The following GPBP1 variants were observed in gnomAD, a reference collection of about 807,000 sequenced individuals.
GPBP1 encodes the protein vasculin.
GPBP1 carries 13 observed loss-of-function variants against 56.5 expected under a neutral mutation model. The observed-to-expected ratio is 0.23, with a 90% CI of 0.15 to 0.37. The LOEUF is 0.37. Among genes scored for constraint, GPBP1 ranks in the 10% least tolerant of loss-of-function variants. The pLI, the probability that GPBP1 is intolerant of heterozygous loss-of-function variation, is 1.00. For missense variants in GPBP1, 477 were observed against 572.3 expected (o/e 0.83, Z 1.70); for synonymous variants, 204 against 188.9 (o/e 1.08, Z -0.66).
chr5:57,219,953 G>A (rs1048497577), intron 3 of GPBP1, among the ~76,000 whole-genome samples: 13 of 151,668 alleles, frequency 8.6e-5, no homozygotes, highest in Non-Finnish European at 1.9e-4. Flanking sequence ...TCGGGAGGCT[G>A]AGCAGGAGAA....
rs1305150260 is a variant in GPBP1 at position 57,259,766 on chromosome 5, G to GAAGCTTTCCCAGGCATTTTTCTGCTA, written c.1161-1380_1161-1355dup. 1.8e-3 allele frequency among the ~76,000 whole-genome samples: 277 copies of GAAGCTTTCCCAGGCATTTTTCTGCTA among 152,202 alleles called. 2 individuals are homozygous for GAAGCTTTCCCAGGCATTTTTCTGCTA. The highest frequency in any genetic ancestry group is 6.5e-3 in the African/African-American group (269 of 41,464). On this transcript the variant is annotated intron_variant, in intron 10 of 11. Transcript: ENST00000506184. ...GTATTGTGGTTAAGGACTCTCTGGT[G>GAAGCTTTCCCAGGCATTTTTCTGCTA]AAGCTTTCCCAGGCATTTTTCTGCT...
chr5:57,226,623 G>A (rs1179670401), intron 3 of GPBP1, among the ~76,000 whole-genome samples: 2 of 138,954 alleles, frequency 1.4e-5, no homozygotes, highest in Non-Finnish European at 3.1e-5. Context: ...GCAGTGGCGC[G>A]ATCTCAGCTC....
At chr5:57,224,248 T>C (rs79936074) in intron 3 of GPBP1, among the ~76,000 whole-genome samples, 2 of 143,238 alleles carry the variant, frequency 1.4e-5, no homozygotes, top group South Asian at 4.3e-4. Flanking sequence ...CTGATCCTCT[T>C]TTTTTTTTTT....
chr5:57,251,400 A>G (rs1451283702), intron 10 of GPBP1, among the ~76,000 whole-genome samples: 2 of 152,182 alleles, frequency 1.3e-5, no homozygotes, highest in Non-Finnish European at 1.5e-5. Context: ...TATAAGTGGA[A>G]TAATATAGTA....
At chr5:57,218,220 TGGGATAGGGTCAGATCCCACA>T (rs995299688) in intron 3 of GPBP1, among the ~76,000 whole-genome samples, 2 of 152,142 alleles carry the variant, frequency 1.3e-5, no homozygotes, top group Admixed American at 6.5e-5. Flanking sequence ...ACTGTCTGCT[TGGGATAGGGTCAGATCCCACA>T]GGTTAAATGT....
At chr5:57,179,854 C>T (rs1445117440) in intron 2 of GPBP1, among the ~76,000 whole-genome samples, 1 of 152,176 alleles carries the variant, frequency 6.6e-6, no homozygotes, top group East Asian at 1.9e-4. Context: ...ACCTCTGCCT[C>T]CCAATATGCT....
chr5:57,208,126 C>T lies in GPBP1; in HGVS notation c.-57-5948C>T, dbSNP rs149143809. Among the ~76,000 whole-genome samples, 76 of 152,200 alleles carry T rather than the reference C, an allele frequency of 5.0e-4. 1 individual carries two copies. Among genetic ancestry groups the T allele is most frequent in the African/African-American group, 1.7e-3 (69 of 41,524 alleles). ...ATGGAGCCCTCGCGAGGGACCATGC[C>T]CTTCCCTTCCCAGCGCTTGCCTGCA... On this transcript the variant is annotated intron_variant, in intron 2 of 11. Transcript: ENST00000506184.
chr5:57,176,710 A>G (rs948825991), intron 2 of GPBP1, among the ~76,000 whole-genome samples: 1 of 152,214 alleles, frequency 6.6e-6, no homozygotes, highest in Non-Finnish European at 1.5e-5. Context: ...ATTCATTCAC[A>G]GTGGTAGAAA....
At chr5:57,184,530 A>G (rs1350807941) in intron 2 of GPBP1, among the ~76,000 whole-genome samples, 1 of 152,108 alleles carries the variant, frequency 6.6e-6, no homozygotes, top group Non-Finnish European at 1.5e-5. Context: ...TCTCTGGTGA[A>G]CTATCAGCAA....
At position 57,177,592 on chromosome 5, in the gene GPBP1, G is replaced by C. The variant is rs939647467; in HGVS notation, c.-58+1192G>C. On this transcript the variant is annotated intron_variant, in intron 2 of 11. Transcript: ENST00000506184. ...GGGTTCAAGCGATTCTCCTGCTTCA[G>C]CCTCCCAAGTAGCTGGGATTACAGG... Among the ~76,000 whole-genome samples, 53 of 147,870 alleles carry C rather than the reference G, an allele frequency of 3.6e-4. 1 individual carries two copies. The highest frequency in any genetic ancestry group is 3.5e-3 in the Admixed American group (52 of 14,676).
rs116705877 is a variant in GPBP1, at chr5:57,179,702, A to C, written c.-58+3302A>C. Among the ~76,000 whole-genome samples the C allele has an allele frequency of 3.8e-3, 576 of 152,016 alleles. 4 individuals carry two copies. Among genetic ancestry groups the C allele is most frequent in the African/African-American group, 0.013 (550 of 41,446 alleles). Reference sequence around the variant, plus strand: ...AACCTCTGCCTCCCCGGTTCAAGCGATTCTCCTGCCCCTTCAGCCTCTTGA... The same window carrying C: ...AACCTCTGCCTCCCCGGTTCAAGCGCTTCTCCTGCCCCTTCAGCCTCTTGA... On this transcript the variant is annotated intron_variant, in intron 2 of 11. Transcript: ENST00000506184.
At chr5:57,235,418 T>C (rs1756620805) in intron 5 of GPBP1, among the ~76,000 whole-genome samples, 1 of 152,104 alleles carries the variant, frequency 6.6e-6, no homozygotes, top group Non-Finnish European at 1.5e-5. Flanking sequence ...CTTTTCTTTT[T>C]TTTTTTTGTT....
chr5:57,188,450 C>T (rs1187959367), intron 2 of GPBP1, among the ~76,000 whole-genome samples: 1 of 152,072 alleles, frequency 6.6e-6, no homozygotes, highest in Admixed American at 6.6e-5. Context: ...ACGTTCAGTG[C>T]TACACTCAGG....
chr5:57,237,126 G>C, intron 6 of GPBP1: 2 of 1,548,946 alleles, frequency 1.3e-6, no homozygotes, highest in South Asian at 1.2e-5. Flanking sequence ...TACACGCCCA[G>C]ACACACACAT....
At chr5:57,246,078 T>G in intron 6 of GPBP1, 1 of 405,194 alleles carries the variant, frequency 2.5e-6, no homozygotes, top group Admixed American at 3.9e-5. Flanking sequence ...TCTGTATTAC[T>G]TGACATTGCC....
chr5:57,216,006 G>T (rs1275429674), intron 3 of GPBP1, among the ~76,000 whole-genome samples: 2 of 152,158 alleles, frequency 1.3e-5, no homozygotes, highest in Admixed American at 6.5e-5. Context: ...TACTCCACGC[G>T]CTAGGTGGAG....
chr5:57,216,740 A>G lies in GPBP1; in HGVS notation c.63+2547A>G, dbSNP rs1755714863. On this transcript the variant is annotated intron_variant, in intron 3 of 11. Coordinates refer to ENST00000506184, the MANE Select transcript of GPBP1 (RefSeq NM_022913.4). ...AGTCTGAAAATTATTCTAAGGGCAC[A>G]TAGCAAATGAAGAAACATTTATTTA... 3.9e-5 allele frequency among the ~76,000 whole-genome samples: 6 copies of G among 152,214 alleles called. 1 individual carries two copies. In the South Asian group the frequency reaches 1.2e-3, roughly 31 times the overall value.
intron 3 of GPBP1, among the ~76,000 whole-genome samples, chr5:57,229,092 G>A (rs1756322773): frequency 6.6e-6 from 1 of 151,792 alleles, no homozygotes; most frequent in Non-Finnish European, 1.5e-5. Context: ...TTAACCGGTT[G>A]TGGTGGTGGG....
intron 2 of GPBP1, among the ~76,000 whole-genome samples, chr5:57,191,126 C>T (rs527538461): frequency 6.6e-6 from 1 of 151,856 alleles, no homozygotes; most frequent in African/African-American, 2.4e-5. Flanking sequence ...TTCTCCGTCA[C>T]CCAGGCTGGA....
Sources: gnomAD v4.1 joint callset for allele counts (sites outside exome capture counted in the v4.1 genomes callset) on GRCh38, gnomAD v4.1.1 for gene constraint, MANE v1.5 for transcripts, NCBI Gene and HGNC (gene_info 2026-07-23, HGNC 2026-07-21) for gene names.